Variants in EP300 observed in about 807,000 individuals in gnomAD.
The protein encoded by EP300 is histone acetyltransferase p300.
EP300 carries 31 observed loss-of-function variants against 264.0 expected under a neutral mutation model. The observed-to-expected ratio is 0.12, with a 90% CI of 0.09 to 0.16. The LOEUF (loss-of-function observed/expected upper bound fraction) is 0.16, where lower values mean the gene tolerates loss of function less well. Among genes scored for constraint, EP300 ranks in the 10% least tolerant of loss-of-function variants. The probability of loss-of-function intolerance (pLI) is 1.00; values close to 1 mark genes in which losing one functional copy is unlikely to be tolerated. For missense variants in EP300, 2,766 were observed against 3,052.9 expected (o/e 0.91, Z 2.21); for synonymous variants, 1,340 against 1,045.4 (o/e 1.28, Z -5.44).
intron 4 of EP300, among the ~76,000 whole-genome samples, chr22:41,128,551 A>G (rs2058896777): frequency 6.6e-6 from 1 of 152,128 alleles, no homozygotes. Context: ...TCTGTTTCCC[A>G]GGCTGGAGTG....
Position 41,149,783 on chromosome 22 carries a change from G to T in EP300, c.2402G>T (p.Cys801Phe), listed in dbSNP as rs773502157. Reference protein sequence around the residue: ...VSQAQMSSSSCPVNSPIMPPG... With the variant: ...VSQAQMSSSSFPVNSPIMPPG... ...CAGGCACAAATGTCTAGTTCTTCCT[G>T]CCCGGTGAACTCTCCTATAATGCCT... Residue 801 changes from cysteine to phenylalanine, a missense_variant, in exon 14 of 31, where the codon TGC becomes TTC. By Grantham distance (205) the Cys-to-Phe change is radical. Transcript: ENST00000263253. The T allele has an allele frequency of 1.2e-6, 2 of 1,613,774 alleles. No homozygotes were observed. The highest frequency in any genetic ancestry group is 1.1e-5 in the South Asian group (1 of 91,046).
rs1243247515 is a variant in EP300, at chr22:41,125,962, A to G, written c.828A>G (p.Thr276=). The change falls in exon 3 of 31, where the codon ACA becomes ACG. Residue 276 remains threonine (T), a synonymous_variant. Coordinates refer to ENST00000263253, the MANE Select transcript of EP300 (RefSeq NM_001429.4). ...GTGGCCTTGGTCTCCAGATTCAGAC[A>G]AAAACTGTACTATCAAATAACTTAT... ...GASGLGLQIQ[T]KTVLSNNLSP... The G allele has an allele frequency of 2.5e-6, 4 of 1,614,222 alleles. No homozygotes were observed. Among genetic ancestry groups the G allele is most frequent in the East Asian group, 4.5e-5 (2 of 44,892 alleles).
At chr22:41,115,265 T>G (rs564047519) in intron 1 of EP300, among the ~76,000 whole-genome samples, 177 of 152,308 alleles carry the variant, frequency 1.2e-3, no homozygotes, top group African/African-American at 4.0e-3. Flanking sequence ...TTGTCACAAT[T>G]GGGATATGGG....
At position 41,157,424 on chromosome 22, in the gene EP300, C is replaced by T. The variant is rs2145748006; in HGVS notation, c.3501+16C>T. 1.3e-6 allele frequency: 2 copies of T among 1,579,902 alleles called. No individual in the cohort carries two copies. The highest frequency in any genetic ancestry group is 1.7e-6 in the Non-Finnish European group (2 of 1,158,440). The stretch of plus-strand genomic sequence containing the variant: ...TGGCAGAAAGGTAAGAAATGTGTTT[C>T]AGATTTGACTTTAACTTTTCTGGGA... On this transcript the variant is annotated intron_variant, in intron 18 of 30. Coordinates refer to ENST00000263253, the MANE Select transcript of EP300 (RefSeq NM_001429.4).
chr22:41,152,159 C>A, intron 15 of EP300, 47 bp from the exon 16 acceptor site: 1 of 1,599,708 alleles, frequency 6.3e-7, no homozygotes, highest in South Asian at 1.1e-5. Flanking sequence ...TACTGATTCC[C>A]AACTAGATAT....
Position 41,168,450 on chromosome 22 carries a change from G to A in EP300, c.3876G>A (p.Arg1292=), listed in dbSNP as rs202151090. 1.9e-6 allele frequency: 3 copies of A among 1,614,122 alleles called. No individual in the cohort carries two copies. Among genetic ancestry groups the A allele is most frequent in the East Asian group, 2.2e-5 (1 of 44,876 alleles). Residue 1292 remains arginine (R), a splice_region_variant and synonymous_variant, in exon 24 of 31, where the codon AGG becomes AGA. Coordinates refer to ENST00000263253, the MANE Select transcript of EP300 (RefSeq NM_001429.4). Reference sequence around the variant, plus strand: ...AACTTTTAACTTTTACATTCCTAGGGTTGCCATCTACCAGACTTGGCACCT... The same window carrying A: ...AACTTTTAACTTTTACATTCCTAGGATTGCCATCTACCAGACTTGGCACCT... The part of the protein sequence containing the change: ...TRKENKFSAK[R]LPSTRLGTFL...
Position 41,172,669 on chromosome 22 carries a change from G to A in EP300, c.4617+6G>A, listed in dbSNP as rs2059177354. On this transcript the variant is annotated splice_donor_region_variant and intron_variant, in intron 28 of 30. Coordinates refer to ENST00000263253, the MANE Select transcript of EP300 (RefSeq NM_001429.4). ...CCAGCAATGAAAGCACAGATGTAAG[G>A]GCATTGAGTTTCCTTTGAAACTTCT... The A allele has an allele frequency of 2.5e-6, 4 of 1,611,380 alleles. No homozygotes were observed. Among genetic ancestry groups the A allele is most frequent in the South Asian group, 2.2e-5 (2 of 90,708 alleles).
chr22:41,145,888 G>A (rs962737708), intron 10 of EP300, among the ~76,000 whole-genome samples: 1 of 152,000 alleles, frequency 6.6e-6, no homozygotes, highest in Non-Finnish European at 1.5e-5. Context: ...GCCCGCCTCG[G>A]CCTCCCAAAG....
intron 14 of EP300, among the ~76,000 whole-genome samples, chr22:41,151,404 G>A (rs1238527616): frequency 6.6e-6 from 1 of 152,186 alleles, no homozygotes; most frequent in Non-Finnish European, 1.5e-5. Flanking sequence ...ATTCAAAACA[G>A]CCACTCTCTG....
chr22:41,157,094 T>C, intron 17 of EP300, 75 bp from the exon 18 acceptor site: 1 of 1,585,712 alleles, frequency 6.3e-7, no homozygotes, highest in African/African-American at 1.3e-5. Context: ...AAATTAACAA[T>C]GATAATGGAT....
At chr22:41,122,157 CTTTTTTTTTTT>C (rs71328774) in intron 2 of EP300, among the ~76,000 whole-genome samples, 2 of 35,854 alleles carry the variant, frequency 5.6e-5, no homozygotes, top group Non-Finnish European at 1.3e-4. Context: ...TCTTCTTCTT[CTTTTTTTTTTT>C]TTTTTTTTTT....
intron 1 of EP300, among the ~76,000 whole-genome samples, chr22:41,102,511 G>A (rs1350128563): frequency 6.6e-6 from 1 of 152,174 alleles, no homozygotes; most frequent in Non-Finnish European, 1.5e-5. Context: ...TGACTGTAGA[G>A]GTGAGCAAGG....
At chr22:41,167,250 G>A (rs1428565629) in intron 23 of EP300, among the ~76,000 whole-genome samples, 1 of 152,112 alleles carries the variant, frequency 6.6e-6, no homozygotes, top group African/African-American at 2.4e-5. Flanking sequence ...ACCCACCTTG[G>A]CCTCCCAAAG....
intron 17 of EP300, 93 bp from the exon 18 acceptor site, chr22:41,157,076 T>C: frequency 6.5e-7 from 1 of 1,529,108 alleles, no homozygotes; most frequent in Admixed American, 1.8e-5. Context: ...ACTAAAACAC[T>C]GCCTGGAAAA....
At chr22:41,152,681 G>C (rs1425910680) in intron 16 of EP300, among the ~76,000 whole-genome samples, 1 of 152,126 alleles carries the variant, frequency 6.6e-6, no homozygotes, top group Non-Finnish European at 1.5e-5. Flanking sequence ...AATAGCAATA[G>C]TAATAGCATT....
Position 41,149,056 on chromosome 22 carries a change from C to T in EP300, c.2260C>T (p.Arg754Cys), listed in dbSNP as rs2145735782. The change falls in exon 13 of 31, where the codon CGT (arginine) becomes TGT (cysteine). Residue 754 changes from arginine (R) to cysteine (C), a missense_variant. Physicochemically the swap from Arg to Cys is radical, Grantham distance 180. Transcript: ENST00000263253. ...ALNPPMGYGP[R>C]MQQPSNQGQF... ...TTTTCAGCCTATGGGCTATGGGCCT[C>T]GTATGCAACAGCCTTCCAACCAGGG... 9 of 1,612,056 alleles carry T rather than the reference C, an allele frequency of 5.6e-6. No individual in the cohort carries two copies. The highest frequency in any genetic ancestry group is 2.2e-5 in the South Asian group (2 of 91,004).
At chr22:41,167,628 AT>A (rs2059145782) in intron 23 of EP300, among the ~76,000 whole-genome samples, 1 of 66,916 alleles carries the variant, frequency 1.5e-5, no homozygotes, top group East Asian at 4.0e-4. Flanking sequence ...ATATATATAT[AT>A]ATATATAATG....
chr22:41,153,348 A>G (rs748723388), intron 16 of EP300, among the ~76,000 whole-genome samples: 2 of 152,198 alleles, frequency 1.3e-5, no homozygotes, highest in Non-Finnish European at 2.9e-5. Context: ...CCATTAATAC[A>G]ATGTGTTGTA....
chr22:41,178,877 G>C lies in EP300; in HGVS notation c.7166G>C (p.Ser2389Thr), dbSNP rs2145524488. Residue 2389 changes from serine (S) to threonine (T), a missense_variant, in exon 31 of 31, where the codon AGC becomes ACC. By Grantham distance (58) the Ser-to-Thr change is moderately conservative (BLOSUM62 1). Coordinates refer to ENST00000263253, the MANE Select transcript of EP300 (RefSeq NM_001429.4). ...NPGMANLHGA[S>T]ATDLGLSTDN... ...GGCATGGCAAACCTCCATGGTGCAA[G>C]CGCCACGGACCTGGGACTCAGCACC... 2 of 1,614,188 alleles carry C rather than the reference G, an allele frequency of 1.2e-6. No homozygotes were observed. The highest frequency in any genetic ancestry group is 1.7e-6 in the Non-Finnish European group (2 of 1,180,044).
Sources: allele counts gnomAD v4.1 joint callset (sites outside exome capture counted in the v4.1 genomes callset), GRCh38; gene constraint gnomAD v4.1.1; transcripts MANE v1.5; gene names NCBI Gene and HGNC (gene_info 2026-07-23, HGNC 2026-07-21).